SPTA1: variants seen among roughly 807,000 people sequenced by gnomAD.
The protein encoded by SPTA1 is spectrin alpha chain, erythrocytic 1.
A neutral mutation model predicts 324.7 loss-of-function variants in SPTA1; 177 were observed. The ratio of observed to expected loss-of-function variants is 0.55; its 90% CI spans 0.48 to 0.62. SPTA1 has a LOEUF of 0.62. Ranked by LOEUF, SPTA1 falls within the 20% of genes least tolerant of loss-of-function variation. The pLI is 0.00. For synonymous variants in SPTA1, 1,195 were observed against 1,041.3 expected (o/e 1.15, Z -2.84); for missense variants, 3,162 against 2,883.6 (o/e 1.10, Z -2.21).
At chr1:158,656,771 A>T (rs1443672624) in intron 19 of SPTA1, 115 bp from the exon 20 acceptor site, 2 of 940,174 alleles carry the variant, frequency 2.1e-6, no homozygotes, top group Non-Finnish European at 3.4e-6. Context: ...GCTGCTTTCC[A>T]TCTATCATAA....
At chr1:158,631,506 C>A (rs1650674416) in intron 39 of SPTA1, among the ~76,000 whole-genome samples, 2 of 152,198 alleles carry the variant, frequency 1.3e-5, no homozygotes, top group South Asian at 4.2e-4. Flanking sequence ...GGATATAGTG[C>A]ACACTGCTCG....
At chr1:158,637,886 A>G in intron 36 of SPTA1, 147 bp downstream of exon 36, 1 of 1,004,148 alleles carries the variant, frequency 1.0e-6, no homozygotes, top group Admixed American at 1.8e-5. Flanking sequence ...AAATAAAACC[A>G]ATGTTAACCT....
At chr1:158,671,297 G>A in intron 12 of SPTA1, 46 bp downstream of exon 12, 1 of 1,380,526 alleles carries the variant, frequency 7.2e-7, no homozygotes. Flanking sequence ...GTAAAATTAT[G>A]TATACAGAGA....
chr1:158,655,258 G>A (rs1652750867), intron 20 of SPTA1, among the ~76,000 whole-genome samples: 1 of 135,012 alleles, frequency 7.4e-6, no homozygotes, highest in African/African-American at 3.9e-5. Flanking sequence ...CACAGGAAAG[G>A]CCACAGAATT....
chr1:158,620,061 A>G (rs892949704), intron 44 of SPTA1, 109 bp downstream of exon 44: 17 of 1,357,614 alleles, frequency 1.3e-5, no homozygotes, highest in Non-Finnish European at 1.5e-5. Flanking sequence ...CTTCTGTCCC[A>G]GTATAGTTAT....
intron 21 of SPTA1, 51 bp downstream of exon 21, chr1:158,654,560 A>C: frequency 1.2e-6 from 2 of 1,611,910 alleles, no homozygotes; most frequent in Admixed American, 3.3e-5. Context: ...ATTGGGAGAG[A>C]TGGTTCTGAA....
At chr1:158,681,441 T>A (rs1407171176) in intron 4 of SPTA1, 86 bp downstream of exon 4, 1 of 1,600,512 alleles carries the variant, frequency 6.2e-7, no homozygotes, top group Non-Finnish European at 8.6e-7. Context: ...CTGACTTCCT[T>A]GTGAGTAGTC....
chr1:158,650,273 C>T (rs1652325790), intron 24 of SPTA1, among the ~76,000 whole-genome samples: 1 of 152,182 alleles, frequency 6.6e-6, no homozygotes. Flanking sequence ...GAAGTGATCA[C>T]ATTTCTCTAA....
At chr1:158,676,543 C>T (rs1654406100) in intron 7 of SPTA1, among the ~76,000 whole-genome samples, 1 of 151,938 alleles carries the variant, frequency 6.6e-6, no homozygotes, top group South Asian at 2.1e-4. Flanking sequence ...TTAATAATAC[C>T]ATGAGGTAGG....
intron 11 of SPTA1, 143 bp downstream of exon 11, chr1:158,671,916 T>C: frequency 9.6e-7 from 1 of 1,043,746 alleles, no homozygotes; most frequent in Non-Finnish European, 1.4e-6. Flanking sequence ...GCCCATCTTT[T>C]CTTTTTCTTG....
At chr1:158,620,041 T>C in intron 44 of SPTA1, 129 bp downstream of exon 44, 7 of 1,251,112 alleles carry the variant, frequency 5.6e-6, no homozygotes, top group South Asian at 4.9e-5. Flanking sequence ...TAGACAGTCA[T>C]GTTTCATGAC....
intron 19 of SPTA1, 136 bp downstream of exon 19, chr1:158,657,341 G>C: frequency 1.2e-6 from 1 of 866,394 alleles, no homozygotes; most frequent in South Asian, 1.4e-5. Context: ...GCAGATGAAG[G>C]CCAACGGCGA....
In SPTA1 at chr1:158,613,848, T is replaced by C; in HGVS notation, c.6862A>G (p.Thr2288Ala). The C allele has an allele frequency of 1.2e-6, 2 of 1,613,790 alleles. No homozygotes were observed. Reference protein sequence around the residue: ...TIYKHFDENLTGRLTHKEFRS... With the variant: ...TIYKHFDENLAGRLTHKEFRS... ...AACTCTTTGTGAGTCAGGCGCCCTGTCAAATTCTCATCAAAGTGTCTAAAG... is the reference window on the plus strand; with the variant it reads ...AACTCTTTGTGAGTCAGGCGCCCTGCCAAATTCTCATCAAAGTGTCTAAAG... Residue 2288 changes from threonine (T) to alanine (A), a missense_variant, in exon 50 of 52, where the codon ACA becomes GCA. Physicochemically the swap from Thr to Ala is moderately conservative, Grantham distance 58. Transcript: ENST00000643759.
Position 158,678,544 on chromosome 1 carries a change from G to GA in SPTA1, c.679-11dup. The GA allele has an allele frequency of 1.2e-6, 2 of 1,612,876 alleles. No homozygotes were observed. The highest frequency in any genetic ancestry group is 2.7e-5 in the African/African-American group (2 of 74,962). On this transcript the variant is annotated splice_polypyrimidine_tract_variant and intron_variant, in intron 5 of 51. Coordinates refer to ENST00000643759, the MANE Select transcript of SPTA1 (RefSeq NM_003126.4). The stretch of plus-strand genomic sequence containing the variant: ...GGTCAGGATGGTTTTCCTGTTGAAG[G>GA]AAAACAACACTGGAGTTATACAGAG...
chr1:158,657,081 G>A (rs903360477), intron 19 of SPTA1, among the ~76,000 whole-genome samples: 4 of 152,160 alleles, frequency 2.6e-5, no homozygotes, highest in Admixed American at 2.6e-4. Flanking sequence ...TATAACCTTT[G>A]TGGTTCTTCT....
chr1:158,634,297 A>G (rs1256739412), intron 39 of SPTA1, among the ~76,000 whole-genome samples: 1 of 152,264 alleles, frequency 6.6e-6, no homozygotes, highest in Non-Finnish European at 1.5e-5. Context: ...ACTCACAGAC[A>G]GATCACAGAT....
intron 36 of SPTA1, 31 bp from the exon 37 acceptor site, chr1:158,636,792 G>T (rs1300617145): frequency 1.2e-6 from 2 of 1,613,234 alleles, no homozygotes. Context: ...AGAAAGTTTG[G>T]AGTCTAGACA....
intron 51 of SPTA1, chr1:158,612,363 C>A: frequency 4.5e-6 from 1 of 220,082 alleles, no homozygotes; most frequent in Non-Finnish European, 9.1e-6. Flanking sequence ...AGAGAGATTA[C>A]TTCTGGTTGT....
intron 17 of SPTA1, 49 bp downstream of exon 17, chr1:158,662,653 T>C (rs368870003): frequency 3.7e-6 from 6 of 1,612,308 alleles, no homozygotes; most frequent in Non-Finnish European, 5.1e-6. Flanking sequence ...TCTCAATATA[T>C]AGACCTTGGT....
Sources: allele counts gnomAD v4.1 joint callset (sites outside exome capture counted in the v4.1 genomes callset), GRCh38; gene constraint gnomAD v4.1.1; transcripts MANE v1.5; gene names NCBI Gene and HGNC (gene_info 2026-07-23, HGNC 2026-07-21).